IGSF11: variants seen among roughly 807,000 people sequenced by gnomAD.
IGSF11 encodes the protein immunoglobulin superfamily member 11.
A neutral mutation model predicts 41.0 loss-of-function variants in IGSF11; 22 were observed. That is an observed-to-expected ratio of 0.54 (90% confidence interval 0.38 to 0.77). The LOEUF (loss-of-function observed/expected upper bound fraction) is 0.77, where lower values mean the gene tolerates loss of function less well. Among genes scored for constraint, IGSF11 ranks in the 30% least tolerant of loss-of-function variants. The pLI, the probability that IGSF11 is intolerant of heterozygous loss-of-function variation, is 0.00. For synonymous variants in IGSF11, 219 were observed against 201.3 expected, an observed-to-expected ratio of 1.09 and a Z score of -0.74; for missense variants, 444 against 530.8, an observed-to-expected ratio of 0.84 and a Z score of 1.61.
intron 1 of IGSF11, among the ~76,000 whole-genome samples, chr3:118,943,738 A>T (rs1284495016): frequency 6.6e-6 from 1 of 152,222 alleles, no homozygotes; most frequent in Non-Finnish European, 1.5e-5. Context: ...TCTGGTTACT[A>T]CATTGAGATT....
intron 4 of IGSF11, among the ~76,000 whole-genome samples, chr3:118,925,019 G>A (rs1347975484): frequency 6.6e-6 from 1 of 152,090 alleles, no homozygotes. Context: ...CAATGTGGCT[G>A]AAACATTTAG....
At chr3:119,089,849 A>T (rs2076735129) in intron 1 of IGSF11, among the ~76,000 whole-genome samples, 1 of 152,052 alleles carries the variant, frequency 6.6e-6, no homozygotes. Context: ...ACATGGCAAA[A>T]CCCCATCTCT....
At chr3:118,955,862 G>A (rs1041410291) in intron 1 of IGSF11, among the ~76,000 whole-genome samples, 10 of 152,046 alleles carry the variant, frequency 6.6e-5, no homozygotes, top group African/African-American at 1.7e-4. Flanking sequence ...TGAACCTTTG[G>A]ATCCAGTCAT....
intron 1 of IGSF11, among the ~76,000 whole-genome samples, chr3:119,085,567 A>T (rs2076657865): frequency 6.6e-6 from 1 of 152,216 alleles, no homozygotes; most frequent in Admixed American, 6.5e-5. Flanking sequence ...CAGAGATAGG[A>T]TTCAGAATCT....
intron 1 of IGSF11, among the ~76,000 whole-genome samples, chr3:119,008,416 T>G (rs1937666256): frequency 6.6e-6 from 1 of 152,208 alleles, no homozygotes; most frequent in South Asian, 2.1e-4. Context: ...CTCCTCTATC[T>G]GCCATGCACT....
intron 1 of IGSF11, among the ~76,000 whole-genome samples, chr3:118,989,309 T>C (rs1375476213): frequency 6.6e-6 from 1 of 152,160 alleles, no homozygotes; most frequent in Non-Finnish European, 1.5e-5. Context: ...CACAAGAAGA[T>C]GGCTAAATAC....
chr3:119,054,732 CAT>C (rs748875359), intron 1 of IGSF11, among the ~76,000 whole-genome samples: 1 of 152,202 alleles, frequency 6.6e-6, no homozygotes, highest in African/African-American at 2.4e-5. Flanking sequence ...CTTGCACACA[CAT>C]GTTTATAGCA....
intron 2 of IGSF11, among the ~76,000 whole-genome samples, chr3:118,929,632 C>T (rs1363027682): frequency 6.6e-6 from 1 of 152,060 alleles, no homozygotes; most frequent in Non-Finnish European, 1.5e-5. Flanking sequence ...TTTTCATGTA[C>T]ATTCTTTCAC....
At chr3:118,967,077 T>C (rs947244324) in intron 1 of IGSF11, among the ~76,000 whole-genome samples, 6 of 152,146 alleles carry the variant, frequency 3.9e-5, no homozygotes, top group African/African-American at 7.2e-5. Flanking sequence ...TTTAAATATA[T>C]TGTTATATTC....
chr3:119,057,815 G>A (rs560132934), intron 1 of IGSF11, among the ~76,000 whole-genome samples: 6 of 152,152 alleles, frequency 3.9e-5, no homozygotes, highest in South Asian at 2.1e-4. Context: ...CAGAAATAAC[G>A]CTGCATATCT....
chr3:119,027,750 T>C (rs1438703298), intron 1 of IGSF11, among the ~76,000 whole-genome samples: 5 of 152,190 alleles, frequency 3.3e-5, no homozygotes, highest in Admixed American at 3.3e-4. Flanking sequence ...GCCAGGAAGT[T>C]TAAGAATCTT....
chr3:119,074,142 A>T (rs1296991676), intron 1 of IGSF11, among the ~76,000 whole-genome samples: 2 of 152,222 alleles, frequency 1.3e-5, no homozygotes, highest in Admixed American at 1.3e-4. Context: ...TTTGGAACCT[A>T]AACTTGACAA....
At chr3:119,110,360 CT>C (rs2077128254) in intron 1 of IGSF11, among the ~76,000 whole-genome samples, 1 of 152,018 alleles carries the variant, frequency 6.6e-6, no homozygotes, top group Admixed American at 6.6e-5. Context: ...TTCTTTGTCT[CT>C]TTTGATCTTT....
intron 1 of IGSF11, among the ~76,000 whole-genome samples, chr3:119,006,814 TG>T (rs1395773443): frequency 6.7e-6 from 1 of 149,974 alleles, no homozygotes; most frequent in Non-Finnish European, 1.5e-5. Flanking sequence ...GGAGGCAGTC[TG>T]CCCGTTCTCA....
intron 1 of IGSF11, among the ~76,000 whole-genome samples, chr3:119,104,872 T>C (rs1432969409): frequency 6.6e-6 from 1 of 152,176 alleles, no homozygotes; most frequent in Non-Finnish European, 1.5e-5. Flanking sequence ...TATTTTCTTA[T>C]CAGAGTCACC....
chr3:119,036,466 G>A (rs1940908129), upstream of IGSF11, among the ~76,000 whole-genome samples: 1 of 152,136 alleles, frequency 6.6e-6, no homozygotes, highest in Admixed American at 6.5e-5. Context: ...AGAAAAACAA[G>A]GAAGCGGTCA....
At chr3:118,922,335 G>T (rs1941881925) in intron 4 of IGSF11, among the ~76,000 whole-genome samples, 1 of 151,894 alleles carries the variant, frequency 6.6e-6, no homozygotes, top group Admixed American at 6.6e-5. Context: ...TATATATTTT[G>T]ATATACATAT....
chr3:119,088,419 T>C (rs2076711475), intron 1 of IGSF11, among the ~76,000 whole-genome samples: 1 of 152,144 alleles, frequency 6.6e-6, no homozygotes, highest in South Asian at 2.1e-4. Flanking sequence ...GGGATGCAGC[T>C]AAAGTAATGT....
At chr3:118,905,552 G>A in intron 5 of IGSF11, 44 bp downstream of exon 5, 1 of 1,606,708 alleles carries the variant, frequency 6.2e-7, no homozygotes, top group Non-Finnish European at 8.5e-7. Flanking sequence ...AAAGATCTTA[G>A]AGTTTCAGAC....
Sources: gnomAD v4.1 joint callset for allele counts (sites outside exome capture counted in the v4.1 genomes callset) on GRCh38, gnomAD v4.1.1 for gene constraint, MANE v1.5 for transcripts, NCBI Gene and HGNC (gene_info 2026-07-23, HGNC 2026-07-21) for gene names.